LMNA: variants seen among roughly 807,000 people sequenced by gnomAD.
The protein encoded by LMNA is lamin A/C.
In LMNA, 20 loss-of-function variants were observed where a neutral mutation model predicts 70.4. That is an observed-to-expected ratio of 0.28 (90% CI 0.20 to 0.41). LMNA has a LOEUF of 0.41. LMNA is among the 10% of genes least tolerant of loss of function. The pLI is 1.00. For missense variants in LMNA, 652 were observed against 917.2 expected (o/e 0.71, Z 3.73); for synonymous variants, 339 against 372.8 (o/e 0.91, Z 1.04).
chr1:156,085,925 G>A (rs1648456497), intron 2 of LMNA, among the ~76,000 whole-genome samples: 3 of 152,156 alleles, frequency 2.0e-5, no homozygotes, highest in Admixed American at 2.0e-4. Context: ...GCATGGTGGT[G>A]CACACCTGTA....
At chr1:156,106,007 C>T (rs377705268) in intron 3 of LMNA, among the ~76,000 whole-genome samples, 23 of 152,180 alleles carry the variant, frequency 1.5e-4, no homozygotes, top group African/African-American at 5.5e-4. Context: ...TGGTGGCTGG[C>T]TCCTGTAGTC....
chr1:156,114,626 T>C, upstream of LMNA: 1 of 188,708 alleles, frequency 5.3e-6, no homozygotes, highest in Non-Finnish European at 9.8e-6. Flanking sequence ...CCCCAATGGA[T>C]CTGGGACTGC....
intron 1 of LMNA, among the ~76,000 whole-genome samples, chr1:156,120,935 A>G (rs1650142893): frequency 6.6e-6 from 1 of 152,042 alleles, no homozygotes; most frequent in East Asian, 1.9e-4. Context: ...GCCTTTTGGC[A>G]GACCCATTAG....
In LMNA at chr1:156,134,418, G is replaced by C. The variant is rs1221308747; in HGVS notation, c.529G>C (p.Gly177Arg). The change falls in exon 3 of 12, where the codon GGT (glycine) becomes CGT (arginine). Residue 177 changes from glycine (G) to arginine (R), a missense_variant. Coordinates refer to ENST00000368300, the MANE Select transcript of LMNA (RefSeq NM_170707.4). This position sits in a 1 kb window ranked among gnomAD's most constrained non-coding sequence, Gnocchi z 5.3. ...TTCCTCACAGCTTGAGGCAGCCCTA[G>C]GTGAGGCCAAGAAGCAACTTCAGGA... ...GQVAKLEAALGEAKKQLQDEM... is the reference protein window; with the variant it reads ...GQVAKLEAALREAKKQLQDEM... The C allele has an allele frequency of 1.2e-6, 2 of 1,614,104 alleles. No individual in the cohort carries two copies. The highest frequency in any genetic ancestry group is 8.5e-7 in the Non-Finnish European group (1 of 1,180,000).
chr1:156,135,139 C>G lies in LMNA; in HGVS notation c.811-48C>G, dbSNP rs1651438957. The G allele has an allele frequency of 1.2e-6, 2 of 1,613,764 alleles. No individual in the cohort carries two copies. Among genetic ancestry groups the G allele is most frequent in the Admixed American group, 1.7e-5 (1 of 60,028 alleles). Reference sequence around the variant, plus strand: ...TGATGCCCAACTCAGGCCTGTGCCTCCACCCCTCCCAGTCACCACAGTCCT... The same window carrying G: ...TGATGCCCAACTCAGGCCTGTGCCTGCACCCCTCCCAGTCACCACAGTCCT... On this transcript the variant is annotated intron_variant, in intron 4 of 11. Coordinates refer to ENST00000368300, the MANE Select transcript of LMNA (RefSeq NM_170707.4). This position sits in a 1 kb window ranked among gnomAD's most constrained non-coding sequence, Gnocchi z 4.8.
intron 3 of LMNA, among the ~76,000 whole-genome samples, chr1:156,108,207 T>C (rs1649419196): frequency 6.6e-6 from 1 of 152,160 alleles, no homozygotes; most frequent in Non-Finnish European, 1.5e-5. Flanking sequence ...GTAGGCACGG[T>C]CTTCCACTGT....
intron 3 of LMNA, among the ~76,000 whole-genome samples, chr1:156,105,386 GGA>G (rs1329246716): frequency 8.6e-6 from 1 of 116,514 alleles, no homozygotes; most frequent in Non-Finnish European, 1.7e-5. Context: ...CCCACAGGGC[GGA>G]GACCCCAGCC....
chr1:156,124,299 T>C (rs370822056), intron 1 of LMNA, among the ~76,000 whole-genome samples: 9 of 149,798 alleles, frequency 6.0e-5, no homozygotes, highest in Non-Finnish European at 8.8e-5. Context: ...CTCTCTCTCT[T>C]TTTTTTTGAG....
intron 2 of LMNA, among the ~76,000 whole-genome samples, chr1:156,132,674 G>T (rs1651171499): frequency 6.6e-6 from 1 of 151,796 alleles, no homozygotes; most frequent in Non-Finnish European, 1.5e-5. Context: ...GAAGCCAGCA[G>T]GTTGACCACC....
upstream of LMNA, among the ~76,000 whole-genome samples, chr1:156,114,100 C>T (rs1290830342): frequency 6.6e-6 from 1 of 152,190 alleles, no homozygotes. Context: ...TGGCCCCAAA[C>T]TGGGGGCATA....
Position 156,137,160 on chromosome 1 carries a change from G to A in LMNA, c.1536G>A (p.Leu512=), listed in dbSNP as rs1208359364. 1 of 1,612,302 alleles carries A rather than the reference G, an allele frequency of 6.2e-7. No individual in the cohort carries two copies. The highest frequency in any genetic ancestry group is 1.3e-5 in the African/African-American group (1 of 74,908). ...AGATHSPPTD[L]VWKAQNTWGC... The stretch of plus-strand genomic sequence containing the variant: ...CCACCCACAGCCCCCCTACCGACCT[G>A]GTGTGGAAGGCACAGAACACCTGGG... The change falls in exon 9 of 12, where the codon CTG becomes CTA. Residue 512 remains leucine (L), a synonymous_variant. Coordinates refer to ENST00000368300, the MANE Select transcript of LMNA (RefSeq NM_170707.4). The surrounding 1 kb of genome is among the most constrained non-coding windows in gnomAD (Gnocchi z 4.6).
At chr1:156,089,601 A>AAAAG (rs71080746) in intron 2 of LMNA, among the ~76,000 whole-genome samples, 132,838 of 145,750 alleles carry the variant, frequency 0.91, 60,792 homozygotes, top group East Asian at 0.98. Context: ...CTAAAAAAAA[A>AAAAG]AAAGAAAGAA....
rs1231946434 is a variant in LMNA at position 156,134,065 on chromosome 1, G to T, written c.514-338G>T. Among the ~76,000 whole-genome samples, 1 of 152,146 alleles carries T rather than the reference G, an allele frequency of 6.6e-6. No homozygotes were observed. Among genetic ancestry groups the T allele is most frequent in the Non-Finnish European group, 1.5e-5 (1 of 68,030 alleles). On this transcript the variant is annotated intron_variant, in intron 2 of 11. Coordinates refer to ENST00000368300, the MANE Select transcript of LMNA (RefSeq NM_170707.4). This position sits in a 1 kb window ranked among gnomAD's most constrained non-coding sequence, Gnocchi z 5.3. ...AGAGTCTAGCTGTGTCACCCAGGCT[G>T]GAGTGCAGTAGTGCGATCTCGGCTC... is the stretch of plus-strand genomic sequence containing the variant.
At chr1:156,104,897 A>C (rs532077820) in intron 3 of LMNA, among the ~76,000 whole-genome samples, 4 of 152,168 alleles carry the variant, frequency 2.6e-5, no homozygotes, top group Non-Finnish European at 5.9e-5. Context: ...GGAAGCCAGC[A>C]CCATTTTCAC....
At chr1:156,089,404 T>C (rs1160152422) in intron 2 of LMNA, among the ~76,000 whole-genome samples, 1 of 151,792 alleles carries the variant, frequency 6.6e-6, no homozygotes, top group Admixed American at 6.6e-5. Flanking sequence ...CAAGCGATTC[T>C]CCTGCCTCAG....
exon 2 of LMNA, chr1:156,082,957 C>T (rs898125505): frequency 1.3e-5 from 2 of 152,062 alleles, no homozygotes; most frequent in Non-Finnish European, 2.9e-5. Context: ...GAGTCGATCC[C>T]GGAGCCCGGC....
At chr1:156,084,825 C>G (rs766544546) in intron 2 of LMNA, among the ~76,000 whole-genome samples, 4 of 152,228 alleles carry the variant, frequency 2.6e-5, no homozygotes, top group Non-Finnish European at 5.9e-5. Flanking sequence ...CCTGAACTTG[C>G]GCTGCCTCTG....
At chr1:156,100,872 A>G (rs1045028569) in intron 3 of LMNA, among the ~76,000 whole-genome samples, 2 of 152,120 alleles carry the variant, frequency 1.3e-5, no homozygotes, top group African/African-American at 4.8e-5. Flanking sequence ...TACACAGACA[A>G]TGTCACAGAC....
intron 2 of LMNA, among the ~76,000 whole-genome samples, chr1:156,090,265 G>T (rs1171325193): frequency 6.6e-6 from 1 of 152,196 alleles, no homozygotes; most frequent in Non-Finnish European, 1.5e-5. Flanking sequence ...ATGAGTGAAT[G>T]AATAGTTCAT....
Sources: allele counts gnomAD v4.1 joint callset (sites outside exome capture counted in the v4.1 genomes callset), GRCh38; gene constraint gnomAD v4.1.1; non-coding constraint Gnocchi (gnomAD v3.1); transcripts MANE v1.5; gene names NCBI Gene and HGNC (gene_info 2026-07-23, HGNC 2026-07-21).